The following RIMS2 variants were observed in gnomAD, a reference collection of about 807,000 sequenced individuals.
RIMS2 encodes the protein regulating synaptic membrane exocytosis 2, also known as regulating synaptic membrane exocytosis protein 2.
In RIMS2, 59 loss-of-function variants were observed where a neutral mutation model predicts 174.4. The ratio of observed to expected loss-of-function variants is 0.34; its 90% CI spans 0.27 to 0.42. RIMS2 has a LOEUF of 0.42. Ranked by LOEUF, RIMS2 falls within the 10% of genes least tolerant of loss-of-function variation. The pLI is 1.00. For synonymous variants in RIMS2, 606 were observed against 572.5 expected (o/e 1.06, Z -0.84); for missense variants, 1,620 against 1,666.3 (o/e 0.97, Z 0.48).
chr8:103,792,082 C>G (rs1301905491), intron 3 of RIMS2, among the ~76,000 whole-genome samples: 1 of 152,176 alleles, frequency 6.6e-6, no homozygotes, highest in African/African-American at 2.4e-5. Context: ...TAATAGACAT[C>G]TACAGAAGTC....
At chr8:103,712,168 T>C (rs1053844923) in intron 2 of RIMS2, among the ~76,000 whole-genome samples, 5 of 74,552 alleles carry the variant, frequency 6.7e-5, no homozygotes, top group African/African-American at 3.6e-4. Flanking sequence ...ATTTTTAAAC[T>C]TTTTTTTTTT....
At chr8:103,634,161 T>C (rs1451732269) in intron 1 of RIMS2, among the ~76,000 whole-genome samples, 1 of 152,218 alleles carries the variant, frequency 6.6e-6, no homozygotes, top group Non-Finnish European at 1.5e-5. Context: ...TTTTTAGTGC[T>C]GTGAATTTCC....
At position 103,604,720 on chromosome 8, in the gene RIMS2, T is replaced by G. The variant is rs1479515875; in HGVS notation, c.177-92366T>G. On this transcript the variant is annotated intron_variant, in intron 1 of 23. Transcript: ENST00000504942. ...TCCTTGAAGAGGTCCTTCACATCCCTTGTAAGTTGGATTCCTAGGTATTTT... is the reference window on the plus strand; with the variant it reads ...TCCTTGAAGAGGTCCTTCACATCCCGTGTAAGTTGGATTCCTAGGTATTTT... Among the ~76,000 whole-genome samples, 74 of 135,726 alleles carry G rather than the reference T, an allele frequency of 5.5e-4. 1 individual carries two copies. Among genetic ancestry groups the G allele is most frequent in the African/African-American group, 2.0e-3 (70 of 34,610 alleles). 89.0% of individuals were successfully genotyped at this position (135,726 alleles called of 152,430 possible).
intron 1 of RIMS2, among the ~76,000 whole-genome samples, chr8:103,663,964 C>A (rs140103669): frequency 1.2e-3 from 181 of 152,236 alleles, no homozygotes; most frequent in African/African-American, 4.1e-3. Flanking sequence ...AAAGAGAGGC[C>A]TCAGAAATAA....
intron 19 of RIMS2, among the ~76,000 whole-genome samples, chr8:104,084,518 C>A (rs1274537743): frequency 6.7e-6 from 1 of 150,334 alleles, no homozygotes; most frequent in African/African-American, 2.4e-5. Context: ...TTGGTATTAT[C>A]CTACTCTAAG....
chr8:103,713,040 A>T (rs1417088975), intron 2 of RIMS2, among the ~76,000 whole-genome samples: 1 of 148,182 alleles, frequency 6.7e-6, no homozygotes, highest in Non-Finnish European at 1.5e-5. Flanking sequence ...TTTCTTTTTG[A>T]TGGATTATCA....
At chr8:103,588,547 G>A (rs1189170888) in intron 1 of RIMS2, among the ~76,000 whole-genome samples, 2 of 151,894 alleles carry the variant, frequency 1.3e-5, no homozygotes, top group African/African-American at 4.8e-5. Flanking sequence ...CATGGTACTG[G>A]CATAAAAACA....
chr8:104,002,718 TC>T (rs1240731431), intron 17 of RIMS2, among the ~76,000 whole-genome samples: 3 of 152,160 alleles, frequency 2.0e-5, no homozygotes, highest in Non-Finnish European at 2.9e-5. Flanking sequence ...TAACATGGCA[TC>T]CCCAGTTATG....
At chr8:103,935,275 T>G (rs567816101) in intron 12 of RIMS2, among the ~76,000 whole-genome samples, 8 of 152,332 alleles carry the variant, frequency 5.3e-5, no homozygotes, top group African/African-American at 1.9e-4. Flanking sequence ...TGCATTGTCA[T>G]TTTTCTGCCA....
intron 4 of RIMS2, among the ~76,000 whole-genome samples, chr8:103,889,093 T>TA (rs1321049772): frequency 6.6e-6 from 1 of 151,670 alleles, no homozygotes; most frequent in Non-Finnish European, 1.5e-5. Context: ...ATAGTAGCAT[T>TA]TTTTTATTAT....
At chr8:104,153,741 G>A (rs1415478499) in intron 19 of RIMS2, among the ~76,000 whole-genome samples, 1 of 152,090 alleles carries the variant, frequency 6.6e-6, no homozygotes, top group African/African-American at 2.4e-5. Flanking sequence ...CCATTTAGAG[G>A]TCAGGAAGAA....
intron 1 of RIMS2, among the ~76,000 whole-genome samples, chr8:103,530,161 G>A (rs1360344634): frequency 3.9e-5 from 6 of 152,186 alleles, no homozygotes; most frequent in African/African-American, 1.2e-4. Context: ...ATGGTTTTAA[G>A]TTACATTGCC....
At chr8:103,610,072 C>T (rs1420835554) in intron 1 of RIMS2, among the ~76,000 whole-genome samples, 1 of 151,964 alleles carries the variant, frequency 6.6e-6, no homozygotes, top group Non-Finnish European at 1.5e-5. Flanking sequence ...TATTCCTAGG[C>T]ATTTTCTTCA....
At chr8:103,977,068 T>C (rs992851268) in intron 16 of RIMS2, 45 of 152,224 alleles carry the variant, frequency 3.0e-4, no homozygotes, top group Non-Finnish European at 1.0e-4. Flanking sequence ...ATACATCCTA[T>C]TTTAAATAAA....
intron 19 of RIMS2, among the ~76,000 whole-genome samples, chr8:104,144,959 T>G (rs1049056248): frequency 6.6e-5 from 10 of 152,150 alleles, no homozygotes; most frequent in African/African-American, 2.2e-4. Flanking sequence ...GTTACAGATA[T>G]CTGCTTCTCC....
Position 103,796,050 on chromosome 8 carries a change from TTATAATATGTACA to T in RIMS2, c.698+29517_698+29529del, listed in dbSNP as rs531905350. ...CATTTTTCTAATCTTCCTCTTGATT[TTATAATATGTACA>T]TATTTATGATTTTGATTAATTTCAT... is the stretch of plus-strand genomic sequence containing the variant. On this transcript the variant is annotated intron_variant, in intron 3 of 23. Coordinates refer to ENST00000504942, the Ensembl canonical transcript of RIMS2. Among the ~76,000 whole-genome samples, 17 of 152,270 alleles carry T rather than the reference TTATAATATGTACA, an allele frequency of 1.1e-4. No individual in the cohort carries two copies. The East Asian group carries it at 3.3e-3, about 29-fold the overall frequency.
chr8:103,795,052 A>G (rs2098538505), intron 3 of RIMS2, among the ~76,000 whole-genome samples: 1 of 152,216 alleles, frequency 6.6e-6, no homozygotes, highest in Non-Finnish European at 1.5e-5. Context: ...CTAGAACTAG[A>G]AATACCATTT....
chr8:104,085,219 CA>C (rs1259645935), intron 19 of RIMS2, among the ~76,000 whole-genome samples: 2 of 152,188 alleles, frequency 1.3e-5, no homozygotes. Context: ...ATGTAAGACC[CA>C]AGCACTCTGT....
intron 19 of RIMS2, among the ~76,000 whole-genome samples, chr8:104,064,290 C>A (rs1177162571): frequency 6.6e-6 from 1 of 151,992 alleles, no homozygotes; most frequent in African/African-American, 2.4e-5. Flanking sequence ...TAAGTTAAAT[C>A]AAGAGCAACA....
Sources: allele counts gnomAD v4.1 joint callset (sites outside exome capture counted in the v4.1 genomes callset), GRCh38; gene constraint gnomAD v4.1.1; transcripts MANE v1.5; gene names NCBI Gene and HGNC (gene_info 2026-07-23, HGNC 2026-07-21).